RAPGEF4: variants seen among roughly 807,000 people sequenced by gnomAD.
RAPGEF4 encodes the protein RAP guanine-nucleotide-exchange factor (GEF) 4.
Under a neutral mutation model 147.9 loss-of-function variants are expected in RAPGEF4, and 66 were observed. That is an observed-to-expected ratio of 0.45 (90% CI 0.37 to 0.55). The LOEUF (loss-of-function observed/expected upper bound fraction) is 0.55. Ranked by LOEUF, RAPGEF4 falls within the 20% of genes least tolerant of loss-of-function variation. The pLI, the probability that RAPGEF4 is intolerant of heterozygous loss-of-function variation, is 0.00. For missense variants in RAPGEF4, 1,071 were observed against 1,257.3 expected (o/e 0.85, Z 2.24); for synonymous variants, 419 against 442.7 (o/e 0.95, Z 0.67).
At position 173,042,124 on chromosome 2, in the gene RAPGEF4, C is replaced by T. The variant is rs1315787774; in HGVS notation, c.2853+5432C>T. Among the ~76,000 whole-genome samples the T allele has an allele frequency of 6.6e-6, 1 of 152,132 alleles. No individual in the cohort carries two copies. The highest frequency in any genetic ancestry group is 1.5e-5 in the Non-Finnish European group (1 of 68,018). On this transcript the variant is annotated intron_variant, in intron 29 of 30. Transcript: ENST00000397081. This position sits in a 1 kb window ranked among gnomAD's most constrained non-coding sequence, Gnocchi z 4.2. ...CTACCAGAATGTAAGTGCCCTGGCC[C>T]AGGTATCTGTTTTGTTCACTGATAT... is the stretch of plus-strand genomic sequence containing the variant.
intron 12 of RAPGEF4, 34 bp downstream of exon 12, chr2:172,985,527 G>A: frequency 6.2e-7 from 1 of 1,601,146 alleles, no homozygotes; most frequent in Non-Finnish European, 8.5e-7. Flanking sequence ...CCTTGCGCCT[G>A]GCCAGCACCC....
At chr2:172,886,115 C>A (rs1438404033) in intron 4 of RAPGEF4, among the ~76,000 whole-genome samples, 2 of 152,220 alleles carry the variant, frequency 1.3e-5, no homozygotes, top group African/African-American at 4.8e-5. Context: ...GAGGCTTAGT[C>A]CAGCCCATCG....
At chr2:172,896,026 G>T (rs1217558293) in intron 4 of RAPGEF4, among the ~76,000 whole-genome samples, 1 of 152,194 alleles carries the variant, frequency 6.6e-6, no homozygotes, top group East Asian at 1.9e-4. Context: ...GAAAAAGAGA[G>T]ATCATAAAGA....
intron 5 of RAPGEF4, chr2:172,918,105 C>A: frequency 1.5e-6 from 1 of 685,044 alleles, no homozygotes; most frequent in Non-Finnish European, 2.6e-6. Context: ...CCAGCTGGAA[C>A]TTTGGCATGC....
chr2:172,992,939 T>C (rs748315776), intron 15 of RAPGEF4, among the ~76,000 whole-genome samples: 9 of 152,006 alleles, frequency 5.9e-5, no homozygotes, highest in Non-Finnish European at 1.0e-4. Flanking sequence ...TGTAGATAAA[T>C]ATGGGGCTGA....
chr2:172,986,862 T>A (rs1692313640), intron 12 of RAPGEF4, among the ~76,000 whole-genome samples: 2 of 151,094 alleles, frequency 1.3e-5, no homozygotes, highest in South Asian at 2.1e-4. Flanking sequence ...CCCAGCTAAT[T>A]TTTTTTTTGT....
At chr2:172,844,124 G>T (rs981361234) in intron 4 of RAPGEF4, among the ~76,000 whole-genome samples, 2 of 152,168 alleles carry the variant, frequency 1.3e-5, no homozygotes, top group Admixed American at 6.5e-5. Flanking sequence ...TGTATTTTAC[G>T]GGTTGATCAG....
intron 1 of RAPGEF4, among the ~76,000 whole-genome samples, chr2:172,760,362 A>T (rs1390638856): frequency 6.6e-6 from 1 of 152,264 alleles, no homozygotes; most frequent in Non-Finnish European, 1.5e-5. Context: ...GCAAAGAAAT[A>T]CAAGAAATAA....
chr2:172,759,208 G>C (rs1197194944), intron 1 of RAPGEF4, among the ~76,000 whole-genome samples: 1 of 152,192 alleles, frequency 6.6e-6, no homozygotes, highest in African/African-American at 2.4e-5. Flanking sequence ...CAGTTGGGCT[G>C]ATTGCAGACT....
chr2:172,873,410 T>A (rs1160343810), intron 4 of RAPGEF4, among the ~76,000 whole-genome samples: 1 of 152,314 alleles, frequency 6.6e-6, no homozygotes. Context: ...TCATCCATAT[T>A]ATAACCTTGG....
At chr2:173,000,848 G>A (rs1184603209) in intron 16 of RAPGEF4, among the ~76,000 whole-genome samples, 5 of 138,922 alleles carry the variant, frequency 3.6e-5, no homozygotes, top group African/African-American at 1.3e-4. Flanking sequence ...ACCTTTCATT[G>A]CTTCTTTTGG....
chr2:173,035,130 T>C (rs1236363792), intron 27 of RAPGEF4, among the ~76,000 whole-genome samples: 2 of 151,682 alleles, frequency 1.3e-5, no homozygotes, highest in African/African-American at 2.4e-5. Context: ...TCATGACTCA[T>C]TGCAGCCTTG....
intron 8 of RAPGEF4, chr2:172,965,345 C>T (rs1689715396): frequency 3.4e-6 from 2 of 596,360 alleles, no homozygotes. Flanking sequence ...TTTAACCAGC[C>T]TTGCTTTAAA....
At chr2:172,743,850 C>T (rs1694531971) in intron 1 of RAPGEF4, among the ~76,000 whole-genome samples, 1 of 152,202 alleles carries the variant, frequency 6.6e-6, no homozygotes, top group Non-Finnish European at 1.5e-5. Flanking sequence ...AAACACAGAG[C>T]CCCCAGTTCT....
intron 4 of RAPGEF4, among the ~76,000 whole-genome samples, chr2:172,870,377 C>T (rs1695104160): frequency 6.6e-6 from 1 of 152,142 alleles, no homozygotes; most frequent in African/African-American, 2.4e-5. Flanking sequence ...AGCTATCCAT[C>T]ATGTCTTTTT....
chr2:172,791,193 A>G (rs2149534740), intron 1 of RAPGEF4, among the ~76,000 whole-genome samples: 1 of 152,286 alleles, frequency 6.6e-6, no homozygotes, highest in South Asian at 2.1e-4. Flanking sequence ...TTTCTGACCC[A>G]TGAGTTTTGA....
chr2:172,801,957 G>A (rs931753495), intron 3 of RAPGEF4, among the ~76,000 whole-genome samples: 1 of 151,784 alleles, frequency 6.6e-6, no homozygotes, highest in Non-Finnish European at 1.5e-5. Context: ...CACAGTGAAA[G>A]GGGTGTGGCC....
chr2:172,935,330 G>A (rs1686443756), intron 6 of RAPGEF4, among the ~76,000 whole-genome samples: 1 of 152,154 alleles, frequency 6.6e-6, no homozygotes, highest in African/African-American at 2.4e-5. Context: ...CACAATGAGG[G>A]AGCATAGGGG....
intron 26 of RAPGEF4, 58 bp downstream of exon 26, chr2:173,030,312 C>T (rs1697069939): frequency 7.6e-7 from 1 of 1,316,042 alleles, no homozygotes; most frequent in Admixed American, 1.7e-5. Flanking sequence ...AACACAGGCT[C>T]ACCAGTGAGC....
Sources: gnomAD v4.1 joint callset for allele counts (sites outside exome capture counted in the v4.1 genomes callset) on GRCh38, gnomAD v4.1.1 for gene constraint, Gnocchi (gnomAD v3.1) non-coding constraint, MANE v1.5 for transcripts, NCBI Gene and HGNC (gene_info 2026-07-23, HGNC 2026-07-21) for gene names.